The following ADAMTS16 variants were observed in gnomAD, a reference collection of about 807,000 sequenced individuals.
The protein encoded by ADAMTS16 is ADAM metallopeptidase with thrombospondin type 1 motif 16.
Under a neutral mutation model 145.8 loss-of-function variants are expected in ADAMTS16, and 94 were observed. The observed-to-expected ratio is 0.64, with a 90% confidence interval of 0.55 to 0.77. ADAMTS16 has a LOEUF of 0.77. Among genes scored for constraint, ADAMTS16 ranks in the 30% least tolerant of loss-of-function variants. The probability of loss-of-function intolerance (pLI) is 0.00; values close to 1 mark genes in which losing one functional copy is unlikely to be tolerated. For missense variants in ADAMTS16, 1,585 were observed against 1,591.5 expected (o/e 1.00, Z 0.07); for synonymous variants, 659 against 604.3 (o/e 1.09, Z -1.33).
intron 9 of ADAMTS16, among the ~76,000 whole-genome samples, chr5:5,202,368 CA>C (rs998576966): frequency 6.6e-5 from 10 of 152,012 alleles, no homozygotes; most frequent in African/African-American, 2.4e-4. Context: ...TACACTTGAT[CA>C]TTTTTTAAAA....
intron 3 of ADAMTS16, among the ~76,000 whole-genome samples, chr5:5,147,442 A>G (rs1734333534): frequency 6.6e-6 from 1 of 152,178 alleles, no homozygotes; most frequent in Admixed American, 6.5e-5. Flanking sequence ...TGTGTGTGTG[A>G]ATTTTGGATG....
Position 5,146,165 on chromosome 5 carries a change from A to G in ADAMTS16, c.211A>G (p.Arg71Gly). The G allele has an allele frequency of 3.1e-6, 5 of 1,614,202 alleles. No homozygotes were observed. Among genetic ancestry groups the G allele is most frequent in the Non-Finnish European group, 4.2e-6 (5 of 1,180,048 alleles). The change falls in exon 3 of 23, where the codon AGG becomes GGG. Residue 71 changes from arginine to glycine, a missense_variant. By Grantham distance (125) the Arg-to-Gly change is moderately radical. Coordinates refer to ENST00000274181, the MANE Select transcript of ADAMTS16 (RefSeq NM_139056.4). The stretch of plus-strand genomic sequence containing the variant: ...GGTCTCTGCCTACGAGGTTGACCAC[A>G]GGGGCGATTACGTGTCCCATGAAAT... ...DLVSAYEVDH[R>G]GDYVSHEIMH...
intron 9 of ADAMTS16, among the ~76,000 whole-genome samples, chr5:5,201,504 G>A (rs1735955178): frequency 6.6e-6 from 1 of 151,798 alleles, no homozygotes; most frequent in African/African-American, 2.4e-5. Flanking sequence ...TTAAAAAGTA[G>A]GGCAAATACT....
Position 5,178,623 on chromosome 5 carries a change from G to T in ADAMTS16, c.502-3421G>T, listed in dbSNP as rs562898947. Reference sequence around the variant, plus strand: ...TGAAATTGGAGATTATTTAAATACTGAATATTGTAACTCAGACTAAATTAT... The same window carrying T: ...TGAAATTGGAGATTATTTAAATACTTAATATTGTAACTCAGACTAAATTAT... On this transcript the variant is annotated intron_variant, in intron 3 of 22. Transcript: ENST00000274181. 2.1e-4 allele frequency among the ~76,000 whole-genome samples: 32 copies of T among 152,312 alleles called. No homozygotes were observed. The South Asian group carries it at 6.6e-3, about 32-fold the overall frequency.
intron 18 of ADAMTS16, among the ~76,000 whole-genome samples, chr5:5,274,834 A>G (rs1398422711): frequency 6.6e-6 from 1 of 152,156 alleles, no homozygotes; most frequent in Admixed American, 6.5e-5. Context: ...CAGGAAACTT[A>G]GCTGGTTATT....
At chr5:5,278,136 C>T (rs1483202238) in intron 18 of ADAMTS16, among the ~76,000 whole-genome samples, 1 of 152,074 alleles carries the variant, frequency 6.6e-6, no homozygotes, top group Admixed American at 6.6e-5. Flanking sequence ...TGTTTAAACC[C>T]TTCATTGTAT....
At chr5:5,157,396 C>T (rs191546493) in intron 3 of ADAMTS16, among the ~76,000 whole-genome samples, 11 of 145,248 alleles carry the variant, frequency 7.6e-5, no homozygotes, top group Non-Finnish European at 1.2e-4. Context: ...AAATAAGCCT[C>T]TCTGGGATAA....
At chr5:5,237,788 T>C (rs1345893086) in intron 14 of ADAMTS16, among the ~76,000 whole-genome samples, 1 of 152,070 alleles carries the variant, frequency 6.6e-6, no homozygotes, top group Non-Finnish European at 1.5e-5. Context: ...CAGACAGGGA[T>C]GCAGGAGACA....
At chr5:5,302,382 G>A (rs1200203239) in intron 18 of ADAMTS16, among the ~76,000 whole-genome samples, 1 of 152,220 alleles carries the variant, frequency 6.6e-6, no homozygotes, top group Non-Finnish European at 1.5e-5. Flanking sequence ...CCTGCTGGAA[G>A]AATGCCTGAT....
intron 6 of ADAMTS16, 39 bp downstream of exon 6, chr5:5,187,847 A>G: frequency 7.4e-7 from 1 of 1,351,176 alleles, no homozygotes; most frequent in Non-Finnish European, 1.1e-6. Flanking sequence ...TTTTATTCCT[A>G]GAAAAATAAA....
intron 17 of ADAMTS16, among the ~76,000 whole-genome samples, chr5:5,252,455 G>A (rs1312994885): frequency 2.0e-5 from 3 of 152,126 alleles, no homozygotes; most frequent in African/African-American, 2.4e-5. Flanking sequence ...CCACCTTTAC[G>A]ACCTTTGAAA....
Position 5,310,950 on chromosome 5 carries a change from C to T in ADAMTS16, c.3411+4222C>T, listed in dbSNP as rs138263237. ...ACTTTATATGCTGCAGAGCCCTAGCCCAGAGCCACGAGGACCAGAGATATG... is the reference window on the plus strand; with the variant it reads ...ACTTTATATGCTGCAGAGCCCTAGCTCAGAGCCACGAGGACCAGAGATATG... On this transcript the variant is annotated intron_variant, in intron 21 of 22. Coordinates refer to ENST00000274181, the MANE Select transcript of ADAMTS16 (RefSeq NM_139056.4). The surrounding 1 kb of genome is among the most constrained non-coding windows in gnomAD (Gnocchi z 4.3). Among the ~76,000 whole-genome samples the T allele has an allele frequency of 6.6e-6, 1 of 152,108 alleles. No homozygotes were observed. Among genetic ancestry groups the T allele is most frequent in the Admixed American group, 6.5e-5 (1 of 15,268 alleles).
chr5:5,140,894 A>C (rs1018968532), intron 2 of ADAMTS16, 128 bp downstream of exon 2: 7 of 919,252 alleles, frequency 7.6e-6, no homozygotes, highest in Non-Finnish European at 1.0e-5. Flanking sequence ...TGCTGTTGTG[A>C]ACTTTTTTTT....
At chr5:5,156,215 A>G (rs1358961471) in intron 3 of ADAMTS16, among the ~76,000 whole-genome samples, 1 of 152,092 alleles carries the variant, frequency 6.6e-6, no homozygotes, top group Non-Finnish European at 1.5e-5. Flanking sequence ...TTGAGTTGAG[A>G]GGCGATTTCT....
At chr5:5,157,133 T>C (rs994935335) in intron 3 of ADAMTS16, among the ~76,000 whole-genome samples, 6 of 152,010 alleles carry the variant, frequency 3.9e-5, no homozygotes, top group Non-Finnish European at 7.4e-5. Flanking sequence ...AAGAACAGCA[T>C]GTGTTTAAAA....
intron 17 of ADAMTS16, among the ~76,000 whole-genome samples, chr5:5,256,205 G>T (rs1737775541): frequency 1.3e-5 from 2 of 152,174 alleles, no homozygotes; most frequent in African/African-American, 4.8e-5. Context: ...GGAAACCCAT[G>T]GCAGTATTTT....
chr5:5,142,313 A>C (rs1156771664), intron 2 of ADAMTS16: 1 of 152,234 alleles, frequency 6.6e-6, no homozygotes, highest in Non-Finnish European at 1.5e-5. Flanking sequence ...ACCTGGCACC[A>C]CAGTTGTTGT....
intron 3 of ADAMTS16, among the ~76,000 whole-genome samples, chr5:5,162,453 T>C (rs1322285616): frequency 1.3e-5 from 2 of 152,176 alleles, no homozygotes; most frequent in Admixed American, 6.5e-5. Flanking sequence ...CGTTATCTCC[T>C]CCCAGGAACA....
At chr5:5,249,210 A>G (rs1433373928) in intron 17 of ADAMTS16, among the ~76,000 whole-genome samples, 1 of 152,186 alleles carries the variant, frequency 6.6e-6, no homozygotes, top group Non-Finnish European at 1.5e-5. Flanking sequence ...TTACATGTGT[A>G]TTGTCATAAA....
Sources: gnomAD v4.1 joint callset for allele counts (sites outside exome capture counted in the v4.1 genomes callset) on GRCh38, gnomAD v4.1.1 for gene constraint, Gnocchi (gnomAD v3.1) non-coding constraint, MANE v1.5 for transcripts, NCBI Gene and HGNC (gene_info 2026-07-23, HGNC 2026-07-21) for gene names.